Variants in HIVEP3 observed in about 807,000 individuals in gnomAD.
HIVEP3 encodes HIVEP zinc finger 3.
Under a neutral mutation model 152.8 loss-of-function variants are expected in HIVEP3, and 49 were observed. That is an observed-to-expected ratio of 0.32 (90% CI 0.26 to 0.41). HIVEP3 has a LOEUF of 0.41. Among genes scored for constraint, HIVEP3 ranks in the 10% least tolerant of loss-of-function variants. The pLI is 1.00. For synonymous variants in HIVEP3, 1,269 were observed against 1,289.0 expected (o/e 0.98, Z 0.33); for missense variants, 2,790 against 3,103.3 (o/e 0.90, Z 2.40).
At chr1:42,000,225 G>T (rs1645419215) in intron 1 of HIVEP3, among the ~76,000 whole-genome samples, 1 of 152,218 alleles carries the variant, frequency 6.6e-6, no homozygotes. Context: ...AGGAAAGGTA[G>T]CTTCTGGTGG....
chr1:41,554,301 G>A lies in HIVEP3; in HGVS notation c.5207+21243C>T, dbSNP rs956787812. Among the ~76,000 whole-genome samples the A allele has an allele frequency of 5.3e-5, 8 of 152,048 alleles. 1 individual carries two copies. In the South Asian group the frequency reaches 6.2e-4, roughly 12 times the overall value. ...ATTGGCTATTGAAGCTTGTGCATGC[G>A]TCACGTAGTTCTTGTGCCATGGTTT... On this transcript the variant is annotated intron_variant, in intron 5 of 8. Coordinates refer to ENST00000372583, the MANE Select transcript of HIVEP3 (RefSeq NM_024503.5).
In HIVEP3 at chr1:41,732,169, G is replaced by T. The variant is rs191247182; in HGVS notation, c.-800-31174C>A. Among the ~76,000 whole-genome samples, 470 of 152,252 alleles carry T rather than the reference G, an allele frequency of 3.1e-3. 1 individual carries two copies. The highest frequency in any genetic ancestry group is 5.2e-3 in the Admixed American group (79 of 15,300). ...AGATGAGGAAGGAGTTCTGAGAGAG[G>T]GGACCACATGAGCCATGGTGCAGCT... On this transcript the variant is annotated intron_variant, in intron 1 of 8. Transcript: ENST00000372583.
intron 4 of HIVEP3, 52 bp downstream of exon 4, chr1:41,579,685 G>T (rs577624115): frequency 1.3e-6 from 2 of 1,508,922 alleles, no homozygotes; most frequent in South Asian, 1.4e-5. Flanking sequence ...TTAAAAGCTC[G>T]CCAAGTGCTT....
chr1:41,891,194 C>T (rs1367394305), intron 1 of HIVEP3, among the ~76,000 whole-genome samples: 1 of 152,132 alleles, frequency 6.6e-6, no homozygotes, highest in Non-Finnish European at 1.5e-5. Context: ...TCCCCTTTCA[C>T]CCTGGACTAA....
At chr1:41,915,103 T>C (rs1222033746) in intron 1 of HIVEP3, among the ~76,000 whole-genome samples, 1 of 151,184 alleles carries the variant, frequency 6.6e-6, no homozygotes, top group Non-Finnish European at 1.5e-5. Context: ...GCCATTATCA[T>C]GGATAGTTGC....
intron 6 of HIVEP3, among the ~76,000 whole-genome samples, chr1:41,521,100 T>C (rs1443930522): frequency 6.6e-6 from 1 of 152,172 alleles, no homozygotes; most frequent in African/African-American, 2.4e-5. Context: ...CTGTGGGCTC[T>C]TGGGCAAGTT....
intron 1 of HIVEP3, among the ~76,000 whole-genome samples, chr1:41,825,953 T>C (rs1239940890): frequency 6.6e-6 from 1 of 152,078 alleles, no homozygotes; most frequent in Non-Finnish European, 1.5e-5. Context: ...CTTGGCCCCA[T>C]GAGCAACTCC....
intron 1 of HIVEP3, chr1:41,864,471 C>T (rs559127601): frequency 1.7e-4 from 26 of 152,474 alleles, no homozygotes; most frequent in African/African-American, 6.3e-4. Context: ...CATAGAGATG[C>T]TCCTACTTAC....
chr1:41,580,211 T>C lies in HIVEP3; in HGVS notation c.4587A>G (p.Glu1529=), dbSNP rs187904848. Residue 1529 remains glutamate (E), a synonymous_variant, in exon 4 of 9, where the codon GAA becomes GAG. Coordinates refer to ENST00000372583, the MANE Select transcript of HIVEP3 (RefSeq NM_024503.5). ...ALSHGTAPGS[E]ALKEYPQPSG... is the part of the protein sequence containing the mutation. ...ATGGCTGGGGATATTCCTTCAAAGC[T>C]TCTGAGCCTGGGGCTGTCCCATGGG... is the stretch of plus-strand genomic sequence containing the variant. 2.5e-6 allele frequency: 4 copies of C among 1,612,378 alleles called. No homozygotes were observed. The highest frequency in any genetic ancestry group is 1.7e-5 in the Admixed American group (1 of 59,850).
At chr1:41,773,853 A>G (rs1343427617) in intron 1 of HIVEP3, among the ~76,000 whole-genome samples, 3 of 152,234 alleles carry the variant, frequency 2.0e-5, no homozygotes, top group Non-Finnish European at 2.9e-5. Context: ...TATACTAGGT[A>G]GAGTTAAGAA....
At chr1:41,531,854 C>CAG (rs1278511773) in intron 5 of HIVEP3, among the ~76,000 whole-genome samples, 1 of 45,122 alleles carries the variant, frequency 2.2e-5, no homozygotes. Context: ...AGATGGAAGA[C>CAG]GGGAGATGGA....
chr1:41,689,976 C>T (rs1187417453), intron 2 of HIVEP3, among the ~76,000 whole-genome samples: 1 of 152,248 alleles, frequency 6.6e-6, no homozygotes, highest in African/African-American at 2.4e-5. Context: ...GCCTTGGCAG[C>T]CTTCAACAAC....
chr1:41,555,038 AG>A (rs1643943864), intron 5 of HIVEP3, among the ~76,000 whole-genome samples: 1 of 152,212 alleles, frequency 6.6e-6, no homozygotes. Flanking sequence ...GCTGTCAGAC[AG>A]GGACGCTTAA....
At chr1:41,657,265 G>T (rs1368840512) in intron 2 of HIVEP3, among the ~76,000 whole-genome samples, 3 of 152,212 alleles carry the variant, frequency 2.0e-5, no homozygotes, top group Non-Finnish European at 4.4e-5. Context: ...TGATGCAGGT[G>T]AGCACAAGCC....
chr1:41,548,681 G>A (rs1235826362), intron 5 of HIVEP3, among the ~76,000 whole-genome samples: 1 of 152,002 alleles, frequency 6.6e-6, no homozygotes, highest in Non-Finnish European at 1.5e-5. Flanking sequence ...TATTACAGGT[G>A]TGTGCCACCA....
intron 5 of HIVEP3, among the ~76,000 whole-genome samples, chr1:41,569,653 C>T (rs1189402480): frequency 1.3e-5 from 2 of 152,088 alleles, no homozygotes; most frequent in Non-Finnish European, 2.9e-5. Flanking sequence ...AGAAAATAAT[C>T]TTTAGATTTT....
chr1:41,842,694 A>C (rs190624644), intron 1 of HIVEP3, among the ~76,000 whole-genome samples: 2,508 of 152,296 alleles, frequency 0.016, 40 homozygotes, highest in Non-Finnish European at 0.021. Context: ...AGCAGAAAGA[A>C]AGAAAAGGAA....
intron 2 of HIVEP3, among the ~76,000 whole-genome samples, chr1:41,642,669 C>T (rs1645393207): frequency 6.6e-6 from 1 of 152,250 alleles, no homozygotes; most frequent in Non-Finnish European, 1.5e-5. Flanking sequence ...ATCCGTGTCA[C>T]TCACAGAGCC....
intron 1 of HIVEP3, among the ~76,000 whole-genome samples, chr1:41,754,102 G>A (rs183344792): frequency 4.8e-4 from 73 of 152,292 alleles, no homozygotes; most frequent in Non-Finnish European, 9.0e-4. Context: ...GCAAGAGCAC[G>A]CGGCATTCTG....
Sources: allele counts gnomAD v4.1 joint callset (sites outside exome capture counted in the v4.1 genomes callset), GRCh38; gene constraint gnomAD v4.1.1; transcripts MANE v1.5; gene names NCBI Gene and HGNC (gene_info 2026-07-23, HGNC 2026-07-21).